ADGRB3: variants seen among roughly 807,000 people sequenced by gnomAD.
The protein encoded by ADGRB3 is brain-specific angiogenesis inhibitor 3.
A neutral mutation model predicts 193.4 loss-of-function variants in ADGRB3; 37 were observed. That is an observed-to-expected ratio of 0.19 (90% CI 0.15 to 0.25). The LOEUF (loss-of-function observed/expected upper bound fraction) is 0.25, where lower values mean the gene tolerates loss of function less well. ADGRB3 is among the 10% of genes least tolerant of loss of function. The pLI is 1.00. For synonymous variants in ADGRB3, 690 were observed against 644.2 expected, an observed-to-expected ratio of 1.07 and a Z score of -1.08; for missense variants, 1,637 against 1,852.9, an observed-to-expected ratio of 0.88 and a Z score of 2.14.
intron 17 of ADGRB3, among the ~76,000 whole-genome samples, chr6:69,096,394 A>G (rs1314649178): frequency 6.8e-6 from 1 of 146,110 alleles, no homozygotes; most frequent in East Asian, 2.1e-4. Flanking sequence ...TCTTTATTAA[A>G]TGCATCATCT....
intron 8 of ADGRB3, among the ~76,000 whole-genome samples, chr6:68,965,833 C>G (rs372988655): frequency 5.3e-4 from 81 of 152,244 alleles, no homozygotes; most frequent in Middle Eastern, 6.8e-3. Context: ...CAATCGTATG[C>G]TTTTATGTTC....
At chr6:68,907,603 CTT>C (rs1176307294) in intron 3 of ADGRB3, among the ~76,000 whole-genome samples, 3 of 151,804 alleles carry the variant, frequency 2.0e-5, no homozygotes, top group African/African-American at 4.8e-5. Flanking sequence ...ACATTTCAGA[CTT>C]TACCAGGTTT....
chr6:69,279,782 AGGAG>A (rs1767394719), intron 20 of ADGRB3, among the ~76,000 whole-genome samples: 1 of 152,082 alleles, frequency 6.6e-6, no homozygotes, highest in Admixed American at 6.6e-5. Flanking sequence ...CTAGAAATTA[AGGAG>A]GGAGATACTG....
intron 3 of ADGRB3, among the ~76,000 whole-genome samples, chr6:68,777,452 A>G (rs996501244): frequency 6.6e-6 from 1 of 152,114 alleles, no homozygotes; most frequent in African/African-American, 2.4e-5. Context: ...TGCAAGATAA[A>G]TTTGTATTAG....
chr6:69,264,287 C>T (rs566698676), intron 20 of ADGRB3, among the ~76,000 whole-genome samples: 2 of 151,902 alleles, frequency 1.3e-5, no homozygotes, highest in South Asian at 4.1e-4. Flanking sequence ...AACTAGAAAC[C>T]GCCATGGCTA....
chr6:68,647,131 C>A (rs545200340), intron 3 of ADGRB3, among the ~76,000 whole-genome samples: 4 of 152,258 alleles, frequency 2.6e-5, no homozygotes, highest in Admixed American at 6.5e-5. Context: ...ATGAGACCTG[C>A]ATACATTAAG....
chr6:68,886,153 G>A (rs1206397074), intron 3 of ADGRB3, among the ~76,000 whole-genome samples: 2 of 152,156 alleles, frequency 1.3e-5, no homozygotes, highest in East Asian at 3.9e-4. Context: ...TCAGAACCAG[G>A]AGCTGAAAGT....
chr6:69,088,463 C>T (rs970531878), intron 17 of ADGRB3, among the ~76,000 whole-genome samples: 1 of 152,142 alleles, frequency 6.6e-6, no homozygotes, highest in African/African-American at 2.4e-5. Context: ...ACTTCTACCT[C>T]CCGGGTTCAA....
At chr6:69,195,642 T>A (rs1025731750) in intron 17 of ADGRB3, among the ~76,000 whole-genome samples, 3 of 152,044 alleles carry the variant, frequency 2.0e-5, no homozygotes, top group Admixed American at 1.3e-4. Flanking sequence ...TCTTTTTGTA[T>A]CCTGTGAACA....
intron 3 of ADGRB3, among the ~76,000 whole-genome samples, chr6:68,696,420 T>A (rs1765158971): frequency 6.6e-6 from 1 of 151,506 alleles, no homozygotes; most frequent in African/African-American, 2.4e-5. Context: ...CCACTTTTCT[T>A]CTAAAAATTA....
chr6:69,292,295 G>A (rs932841851), intron 20 of ADGRB3, among the ~76,000 whole-genome samples: 7 of 151,924 alleles, frequency 4.6e-5, no homozygotes, highest in Non-Finnish European at 8.8e-5. Flanking sequence ...TAGAGATAAT[G>A]GGATGAATAA....
In ADGRB3 at chr6:68,725,239, A is replaced by T. The variant is rs540577125; in HGVS notation, c.757+85807A>T. Reference sequence around the variant, plus strand: ...GGGGCTTCAGTCTAGAATTTGAAGGATGTTAGAGGATATATTGAGAATTTT... The same window carrying T: ...GGGGCTTCAGTCTAGAATTTGAAGGTTGTTAGAGGATATATTGAGAATTTT... On this transcript the variant is annotated intron_variant, in intron 3 of 31. Transcript: ENST00000370598. Among the ~76,000 whole-genome samples the T allele has an allele frequency of 4.0e-5, 6 of 151,768 alleles. No homozygotes were observed. The East Asian group carries it at 9.8e-4, about 25-fold the overall frequency.
At chr6:68,943,234 CTGTT>C (rs1332805457) in intron 5 of ADGRB3, among the ~76,000 whole-genome samples, 2 of 152,106 alleles carry the variant, frequency 1.3e-5, no homozygotes, top group South Asian at 2.1e-4. Context: ...AGTAGACACT[CTGTT>C]TGAAATTCTT....
At chr6:69,205,433 AAAAC>A (rs1765517984) in intron 17 of ADGRB3, among the ~76,000 whole-genome samples, 4 of 152,070 alleles carry the variant, frequency 2.6e-5, no homozygotes, top group South Asian at 4.2e-4. Context: ...CCTCATGGTT[AAAAC>A]AAACAAACAA....
At chr6:68,682,626 A>G (rs1764915280) in intron 3 of ADGRB3, among the ~76,000 whole-genome samples, 1 of 152,216 alleles carries the variant, frequency 6.6e-6, no homozygotes, top group South Asian at 2.1e-4. Flanking sequence ...CAGCAATAGC[A>G]CTATTTATCA....
At chr6:69,333,360 A>G (rs1489762448) in intron 24 of ADGRB3, among the ~76,000 whole-genome samples, 1 of 152,186 alleles carries the variant, frequency 6.6e-6, no homozygotes, top group Non-Finnish European at 1.5e-5. Flanking sequence ...GGTAGATTGA[A>G]CACAGTGTTG....
At chr6:69,026,513 A>G (rs1320566119) in intron 13 of ADGRB3, among the ~76,000 whole-genome samples, 1 of 152,174 alleles carries the variant, frequency 6.6e-6, no homozygotes, top group Non-Finnish European at 1.5e-5. Flanking sequence ...TCAGAAAGGG[A>G]GAGGGAAGTG....
intron 3 of ADGRB3, among the ~76,000 whole-genome samples, chr6:68,919,885 C>A (rs574028542): frequency 2.0e-5 from 3 of 152,014 alleles, no homozygotes; most frequent in Non-Finnish European, 4.4e-5. Flanking sequence ...GTTTCTGTAA[C>A]AAGAAAGTAT....
intron 3 of ADGRB3, among the ~76,000 whole-genome samples, chr6:68,787,493 A>C (rs1582201770): frequency 6.6e-6 from 1 of 152,188 alleles, no homozygotes; most frequent in Admixed American, 6.5e-5. Flanking sequence ...CTTGCATCCC[A>C]GGGATGAAGC....
Sources: allele counts gnomAD v4.1 joint callset (sites outside exome capture counted in the v4.1 genomes callset), GRCh38; gene constraint gnomAD v4.1.1; transcripts MANE v1.5; gene names NCBI Gene and HGNC (gene_info 2026-07-23, HGNC 2026-07-21).